Variants in LRRIQ1 observed in about 807,000 individuals in gnomAD.
LRRIQ1 encodes the protein leucine-rich repeat- and IQ domain-containing protein 1.
LRRIQ1 carries 210 observed loss-of-function variants against 211.9 expected under a neutral mutation model. The observed-to-expected ratio is 0.99, with a 90% CI of 0.89 to 1.11. LRRIQ1 has a LOEUF of 1.11. LRRIQ1 is among the 50% of genes most tolerant of loss of function. The pLI is 0.00. For synonymous variants in LRRIQ1, 699 were observed against 650.1 expected (o/e 1.08, Z -1.14); for missense variants, 2,136 against 1,939.5 (o/e 1.10, Z -1.90).
Position 85,229,516 on chromosome 12 carries a change from G to C in LRRIQ1, c.4823-1G>C. ...GTACACGTTCCATATTTCTTTCACAGGTATAGAAGAAGACCCTATCCACAA... is the reference window on the plus strand; with the variant it reads ...GTACACGTTCCATATTTCTTTCACACGTATAGAAGAAGACCCTATCCACAA... On this transcript the variant is annotated splice_acceptor_variant, in intron 24 of 26. Transcript: ENST00000393217. LOFTEE classifies it high-confidence loss of function. 1 of 1,602,756 alleles carries C rather than the reference G, an allele frequency of 6.2e-7. No individual in the cohort carries two copies.
rs1337052876 is a variant in LRRIQ1, at chr12:85,222,590, G to A, written c.4823-6927G>A. On this transcript the variant is annotated intron_variant, in intron 24 of 26. Coordinates refer to ENST00000393217, the MANE Select transcript of LRRIQ1 (RefSeq NM_001079910.2). ...AAGGGTGTTGGGAGAAAGCCATAAC[G>A]CAGATGGCAAGTAAGTCAACAGAGA... 3.3e-5 allele frequency among the ~76,000 whole-genome samples: 5 copies of A among 152,278 alleles called. No homozygotes were observed. In the East Asian group the frequency reaches 7.7e-4, roughly 23 times the overall value.
At chr12:85,168,613 G>A (rs1489585576) in intron 24 of LRRIQ1, among the ~76,000 whole-genome samples, 2 of 152,086 alleles carry the variant, frequency 1.3e-5, no homozygotes, top group African/African-American at 2.4e-5. Flanking sequence ...GGTGAGTGGT[G>A]CCACTTCCAA....
At position 85,082,277 on chromosome 12, in the gene LRRIQ1, A is replaced by C. The variant is rs1565816578; in HGVS notation, c.2887+9179A>C. 2.0e-5 allele frequency among the ~76,000 whole-genome samples: 3 copies of C among 152,226 alleles called. No individual in the cohort carries two copies. In the South Asian group the frequency reaches 6.2e-4, roughly 32 times the overall value. ...TTTCACCAATGCAGTTAAGAATGCT[A>C]TCGGTTATTTTTGGACTTTTGAGGA... On this transcript the variant is annotated intron_variant, in intron 11 of 26. Transcript: ENST00000393217.
intron 24 of LRRIQ1, among the ~76,000 whole-genome samples, chr12:85,207,830 A>G (rs1389471830): frequency 2.6e-5 from 4 of 152,114 alleles, no homozygotes; most frequent in East Asian, 1.9e-4. Flanking sequence ...GGCAAAGATC[A>G]GTTGACTATA....
chr12:85,218,603 G>A (rs1894262498), intron 24 of LRRIQ1, among the ~76,000 whole-genome samples: 1 of 151,912 alleles, frequency 6.6e-6, no homozygotes, highest in Non-Finnish European at 1.5e-5. Flanking sequence ...ATACAAAGAT[G>A]GATAAGGTAC....
chr12:85,204,751 T>C (rs777385698), intron 24 of LRRIQ1, among the ~76,000 whole-genome samples: 1 of 152,064 alleles, frequency 6.6e-6, no homozygotes, highest in Non-Finnish European at 1.5e-5. Context: ...ATCTAGGAAA[T>C]AACCAGCTTG....
intron 18 of LRRIQ1, among the ~76,000 whole-genome samples, chr12:85,136,680 G>GCT (rs35287521): frequency 0.28 from 42,766 of 150,894 alleles, 6,170 homozygotes; most frequent in Admixed American, 0.33. Context: ...ATTTCACTTT[G>GCT]CTCTCTCTCT....
intron 24 of LRRIQ1, among the ~76,000 whole-genome samples, chr12:85,209,581 G>C (rs1473039240): frequency 6.6e-6 from 1 of 152,074 alleles, no homozygotes; most frequent in African/African-American, 2.4e-5. Context: ...TCTGAGTATA[G>C]CTACAGTAAA....
chr12:85,209,753 A>C (rs1354839), intron 24 of LRRIQ1, among the ~76,000 whole-genome samples: 74,180 of 151,894 alleles, frequency 0.49, 22,003 homozygotes, highest in African/African-American at 0.84. Flanking sequence ...TCTTGAGCAA[A>C]AAAAATATTA....
chr12:85,153,437 A>T (rs1890358085), intron 21 of LRRIQ1, among the ~76,000 whole-genome samples: 1 of 151,506 alleles, frequency 6.6e-6, no homozygotes, highest in Admixed American at 6.6e-5. Flanking sequence ...TAGACTAAAA[A>T]TTCCAGTGCT....
chr12:85,227,238 T>G (rs1334411344), intron 24 of LRRIQ1, among the ~76,000 whole-genome samples: 2 of 152,194 alleles, frequency 1.3e-5, no homozygotes, highest in African/African-American at 4.8e-5. Context: ...CCATTCTAAC[T>G]GGTGTGAGAT....
At chr12:85,117,008 A>G (rs1431468646) in intron 15 of LRRIQ1, among the ~76,000 whole-genome samples, 1 of 152,118 alleles carries the variant, frequency 6.6e-6, no homozygotes, top group East Asian at 1.9e-4. Context: ...TAGTGCTGCA[A>G]TGAACATTTG....
chr12:85,070,654 G>T (rs1400093879), intron 10 of LRRIQ1, among the ~76,000 whole-genome samples: 1 of 151,600 alleles, frequency 6.6e-6, no homozygotes, highest in Non-Finnish European at 1.5e-5. Context: ...CATTTTTACA[G>T]CTCAGAATAT....
rs1891657408 is a variant in LRRIQ1, at chr12:85,175,590, T to A, written c.4822+14876T>A. On this transcript the variant is annotated intron_variant, in intron 24 of 26. Transcript: ENST00000393217. ...CATGAAGTCCTTTCCCATGCCTATG[T>A]CCTGAATGGTAATGCCTAGGTTTTC... Among the ~76,000 whole-genome samples, 3 of 152,292 alleles carry A rather than the reference T, an allele frequency of 2.0e-5. No individual in the cohort carries two copies. The South Asian group carries it at 6.2e-4, about 32-fold the overall frequency.
intron 3 of LRRIQ1, among the ~76,000 whole-genome samples, chr12:85,040,821 A>G (rs1878793753): frequency 6.6e-6 from 1 of 151,246 alleles, no homozygotes; most frequent in Admixed American, 6.6e-5. Context: ...TACCATCAGC[A>G]TTTTGTTTCC....
chr12:85,175,667 T>C (rs571902604), intron 24 of LRRIQ1, among the ~76,000 whole-genome samples: 7 of 152,264 alleles, frequency 4.6e-5, no homozygotes, highest in African/African-American at 7.2e-5. Flanking sequence ...TAATCCATCT[T>C]GAATTGATTT....
intron 24 of LRRIQ1, among the ~76,000 whole-genome samples, chr12:85,193,258 A>G (rs1211003101): frequency 7.9e-6 from 1 of 126,198 alleles, no homozygotes. Context: ...GCAGGATATT[A>G]TCCAGGAGAA....
chr12:85,069,389 C>T (rs1363378168), intron 10 of LRRIQ1, among the ~76,000 whole-genome samples: 3 of 151,858 alleles, frequency 2.0e-5, no homozygotes, highest in South Asian at 2.1e-4. Context: ...TGAATAGTGC[C>T]GCAATAAACA....
chr12:85,259,567 A>T (rs1896226004), intron 1 of LRRIQ1, among the ~76,000 whole-genome samples: 1 of 152,120 alleles, frequency 6.6e-6, no homozygotes, highest in Admixed American at 6.6e-5. Context: ...AGCTATATAG[A>T]TTACTGCTCA....
Sources: gnomAD v4.1 joint callset for allele counts (sites outside exome capture counted in the v4.1 genomes callset) on GRCh38, gnomAD v4.1.1 for gene constraint, MANE v1.5 for transcripts, NCBI Gene and HGNC (gene_info 2026-07-23, HGNC 2026-07-21) for gene names.